The following ZCCHC7 variants were observed in gnomAD, a reference collection of about 807,000 sequenced individuals.
ZCCHC7 encodes zinc finger CCHC domain-containing protein 7.
ZCCHC7 carries 35 observed loss-of-function variants against 52.0 expected under a neutral mutation model. The ratio of observed to expected loss-of-function variants is 0.67; its 90% CI spans 0.51 to 0.89. ZCCHC7 has a LOEUF of 0.89. Ranked by LOEUF, ZCCHC7 falls within the 40% of genes least tolerant of loss-of-function variation. The pLI is 0.00. For synonymous variants in ZCCHC7, 217 were observed against 221.5 expected (o/e 0.98, Z 0.18); for missense variants, 574 against 649.1 (o/e 0.88, Z 1.26).
chr9:37,282,807 G>C (rs752148374), intron 2 of ZCCHC7, among the ~76,000 whole-genome samples: 104 of 150,460 alleles, frequency 6.9e-4, no homozygotes, highest in Non-Finnish European at 1.3e-3. Flanking sequence ...ACTCCAGCCT[G>C]GCTCTGGCTT....
At chr9:37,127,016 C>G in intron 2 of ZCCHC7, 74 bp downstream of exon 2, 3 of 1,527,084 alleles carry the variant, frequency 2.0e-6, no homozygotes, top group Non-Finnish European at 2.7e-6. Context: ...AGAGAAAAGA[C>G]CAATAGGGTC....
chr9:37,202,774 G>T (rs545941053), intron 2 of ZCCHC7, among the ~76,000 whole-genome samples: 2 of 152,186 alleles, frequency 1.3e-5, no homozygotes, highest in South Asian at 4.1e-4. Context: ...AAGCCATCAC[G>T]CCCGGCCCTT....
intron 2 of ZCCHC7, among the ~76,000 whole-genome samples, chr9:37,194,947 CT>C (rs1169877667): frequency 0.05 from 6,679 of 133,412 alleles, 397 homozygotes; most frequent in African/African-American, 0.17. Context: ...TCTCTTTTTT[CT>C]TTTTTTTTTT....
At chr9:37,304,529 C>T (rs928578630) in intron 4 of ZCCHC7, among the ~76,000 whole-genome samples, 4 of 151,916 alleles carry the variant, frequency 2.6e-5, no homozygotes, top group Admixed American at 1.3e-4. Context: ...TGATGGCGGG[C>T]GCCTGTAGTC....
rs1826331312 is a variant in ZCCHC7, at chr9:37,251,588, A to C, written c.611-50600A>C. 1.3e-5 allele frequency among the ~76,000 whole-genome samples: 2 copies of C among 152,176 alleles called. 1 individual carries two copies. The highest frequency in any genetic ancestry group is 4.1e-4 in the South Asian group (2 of 4,830). On this transcript the variant is annotated intron_variant, in intron 2 of 8. Coordinates refer to ENST00000336755, the MANE Select transcript of ZCCHC7 (RefSeq NM_032226.3). Reference sequence around the variant, plus strand: ...GCTTTCTTTGTCAGAGGGCTCCCTTAATAGGAGAAGTCAACAGGGAGGACA... The same window carrying C: ...GCTTTCTTTGTCAGAGGGCTCCCTTCATAGGAGAAGTCAACAGGGAGGACA...
chr9:37,240,322 A>C (rs636285), intron 2 of ZCCHC7, among the ~76,000 whole-genome samples: 5,687 of 152,032 alleles, frequency 0.037, 237 homozygotes, highest in African/African-American at 0.1. Flanking sequence ...AGTTTCTCAG[A>C]ATATTAAATT....
chr9:37,332,865 T>C, intron 6 of ZCCHC7, among the ~76,000 whole-genome samples: 1 of 151,648 alleles, frequency 6.6e-6, no homozygotes, highest in East Asian at 1.9e-4. Context: ...CACATAACAT[T>C]TCCTCAGATA....
chr9:37,338,337 T>A (rs550705536), intron 6 of ZCCHC7, among the ~76,000 whole-genome samples: 1 of 152,330 alleles, frequency 6.6e-6, no homozygotes, highest in Non-Finnish European at 1.5e-5. Context: ...TATTGGAAGT[T>A]ATACCAATAA....
At chr9:37,191,702 C>A (rs932330714) in intron 2 of ZCCHC7, among the ~76,000 whole-genome samples, 1 of 152,108 alleles carries the variant, frequency 6.6e-6, no homozygotes, top group Non-Finnish European at 1.5e-5. Flanking sequence ...GCTGTTTAAC[C>A]CTCTGTTAAT....
chr9:37,208,388 T>G (rs1447617814), intron 2 of ZCCHC7, among the ~76,000 whole-genome samples: 1 of 152,196 alleles, frequency 6.6e-6, no homozygotes, highest in Non-Finnish European at 1.5e-5. Context: ...TCCCGGCCTA[T>G]TAAAGCTTCT....
chr9:37,203,941 G>A (rs1437555983), intron 2 of ZCCHC7, among the ~76,000 whole-genome samples: 1 of 152,110 alleles, frequency 6.6e-6, no homozygotes, highest in Non-Finnish European at 1.5e-5. Flanking sequence ...AAAAGCATTT[G>A]TATTTCTCCA....
intron 5 of ZCCHC7, among the ~76,000 whole-genome samples, chr9:37,321,049 C>T (rs1213234610): frequency 2.9e-5 from 4 of 137,772 alleles, no homozygotes; most frequent in South Asian, 4.5e-4. Context: ...AGTGCAGTGG[C>T]GTAATCTCGG....
intron 2 of ZCCHC7, among the ~76,000 whole-genome samples, chr9:37,211,945 A>G (rs888978884): frequency 2.7e-5 from 4 of 145,982 alleles, no homozygotes; most frequent in Non-Finnish European, 6.0e-5. Flanking sequence ...ACAGAATGGC[A>G]TGAACCCGGA....
At chr9:37,123,238 T>C (rs551079860) in intron 1 of ZCCHC7, among the ~76,000 whole-genome samples, 2 of 147,176 alleles carry the variant, frequency 1.4e-5, no homozygotes, top group African/African-American at 4.9e-5. Flanking sequence ...TGTGCGTGTG[T>C]GTGTAAAAAA....
At chr9:37,186,167 G>A (rs1822643125) in intron 2 of ZCCHC7, among the ~76,000 whole-genome samples, 3 of 152,038 alleles carry the variant, frequency 2.0e-5, no homozygotes, top group South Asian at 4.1e-4. Context: ...TTAAAAACAT[G>A]TTCTAAACAT....
intron 2 of ZCCHC7, among the ~76,000 whole-genome samples, chr9:37,203,703 A>G (rs1823754373): frequency 6.6e-6 from 1 of 152,100 alleles, no homozygotes; most frequent in Admixed American, 6.5e-5. Flanking sequence ...TATCCAGTCT[A>G]TCATTAATGG....
chr9:37,208,259 A>G (rs1824028147), intron 2 of ZCCHC7, among the ~76,000 whole-genome samples: 1 of 151,984 alleles, frequency 6.6e-6, no homozygotes, highest in South Asian at 2.1e-4. Flanking sequence ...TAATTTTTGT[A>G]TTTTTAGTAC....
chr9:37,345,106 GT>G (rs1364720679), intron 6 of ZCCHC7, among the ~76,000 whole-genome samples: 1 of 152,162 alleles, frequency 6.6e-6, no homozygotes, highest in African/African-American at 2.4e-5. Flanking sequence ...ACTCACAATA[GT>G]TTCTCCACTT....
intron 2 of ZCCHC7, among the ~76,000 whole-genome samples, chr9:37,236,020 G>GTGCAGATA (rs1331405514): frequency 6.6e-6 from 1 of 152,150 alleles, no homozygotes; most frequent in African/African-American, 2.4e-5. Context: ...ACAATAAACA[G>GTGCAGATA]TGCAGATATC....
Sources: gnomAD v4.1 joint callset for allele counts (sites outside exome capture counted in the v4.1 genomes callset) on GRCh38, gnomAD v4.1.1 for gene constraint, MANE v1.5 for transcripts, NCBI Gene and HGNC (gene_info 2026-07-23, HGNC 2026-07-21) for gene names.